RYK: variants seen among roughly 807,000 people sequenced by gnomAD.
RYK encodes receptor like tyrosine kinase, also known as inactive tyrosine-protein kinase RYK.
In RYK, 21 loss-of-function variants were observed where a neutral mutation model predicts 70.2. The ratio of observed to expected loss-of-function variants is 0.30; its 90% CI spans 0.21 to 0.43. RYK has a LOEUF of 0.43. RYK is among the 20% of genes least tolerant of loss of function. RYK has a pLI of 1.00. For missense variants in RYK, 604 were observed against 753.3 expected, an observed-to-expected ratio of 0.80 and a Z score of 2.32; for synonymous variants, 267 against 278.0, an observed-to-expected ratio of 0.96 and a Z score of 0.39.
chr3:134,220,659 CATACACACACATATATATGTACAT>C (rs1303947021), intron 2 of RYK, among the ~76,000 whole-genome samples: 1 of 152,170 alleles, frequency 6.6e-6, no homozygotes, highest in Non-Finnish European at 1.5e-5. Flanking sequence ...TATTTATATA[CATACACACACATATATATGTACAT>C]ATACACACAC....
chr3:134,189,037 C>A, intron 8 of RYK, 114 bp from the exon 9 acceptor site: 1 of 586,606 alleles, frequency 1.7e-6, no homozygotes, highest in Non-Finnish European at 2.9e-6. Flanking sequence ...ATGTGATCAA[C>A]ATTACTGTAG....
At chr3:134,165,422 T>A (rs1354972930) in intron 13 of RYK, among the ~76,000 whole-genome samples, 1 of 152,222 alleles carries the variant, frequency 6.6e-6, no homozygotes, top group African/African-American at 2.4e-5. Flanking sequence ...GGCAACCTTG[T>A]CTTGTTCCTG....
chr3:134,200,378 G>T (rs2013966032), intron 6 of RYK, among the ~76,000 whole-genome samples: 1 of 152,046 alleles, frequency 6.6e-6, no homozygotes, highest in Non-Finnish European at 1.5e-5. Flanking sequence ...CTTCACTCCT[G>T]AAGTCAGTGA....
In RYK at chr3:134,250,484, C is replaced by A; in HGVS notation, c.171G>T (p.Ser57=). 3 of 1,346,128 alleles carry A rather than the reference C, an allele frequency of 2.2e-6. No individual in the cohort carries two copies. Among genetic ancestry groups the A allele is most frequent in the Non-Finnish European group, 2.9e-6 (3 of 1,043,510 alleles). 83.4% of individuals were successfully genotyped at this position (1,346,128 alleles called of 1,614,324 possible). The change falls in exon 1 of 15, where the codon TCG becomes TCT. Residue 57 remains serine, a synonymous_variant. Coordinates refer to ENST00000623711, the MANE Select transcript of RYK (RefSeq NM_002958.4). ...GACTCACGCTGGGCCCCGCGGAAGC[C>A]GACTGCAGCTCCGGGGGCCGCGGGG... ...APAPRPPELQ[S]ASAGPSVSLY... is the part of the protein sequence containing the mutation.
chr3:134,190,792 G>A (rs1374397781), intron 8 of RYK, among the ~76,000 whole-genome samples: 1 of 152,102 alleles, frequency 6.6e-6, no homozygotes, highest in Non-Finnish European at 1.5e-5. Context: ...ATCCCATTCA[G>A]AGACCAAAAG....
rs751604920 is a variant in RYK, at chr3:134,183,088, G to C, written c.1103-17C>G. On this transcript the variant is annotated splice_polypyrimidine_tract_variant and intron_variant, in intron 9 of 14. Transcript: ENST00000623711. ...AAGCTTGATCTATATATAAAGAAAA[G>C]AAAATGTCTTGAATAATAATACTAC... 1 of 1,485,040 alleles carries C rather than the reference G, an allele frequency of 6.7e-7. No individual in the cohort carries two copies. 92.0% of individuals were successfully genotyped at this position (1,485,040 alleles called of 1,614,324 possible).
Position 134,191,829 on chromosome 3 carries a change from G to A in RYK, c.1015+20C>T, listed in dbSNP as rs147089787. The A allele has an allele frequency of 6.3e-6, 10 of 1,582,696 alleles. No homozygotes were observed. The highest frequency in any genetic ancestry group is 1.9e-5 in the Admixed American group (1 of 53,492). On this transcript the variant is annotated intron_variant, in intron 8 of 14. Coordinates refer to ENST00000623711, the MANE Select transcript of RYK (RefSeq NM_002958.4). ...AACATTAAATCATACTTAAAAAACC[G>A]ACTTTGAGATAATAAATACCTTCTT...
At chr3:134,161,475 A>C (rs1279334916) in intron 13 of RYK, among the ~76,000 whole-genome samples, 1 of 152,190 alleles carries the variant, frequency 6.6e-6, no homozygotes, top group African/African-American at 2.4e-5. Flanking sequence ...ACATAGCCAA[A>C]TGTCCCTTGG....
At chr3:134,232,312 C>A (rs1443095307) in intron 1 of RYK, among the ~76,000 whole-genome samples, 1 of 152,074 alleles carries the variant, frequency 6.6e-6, no homozygotes, top group Admixed American at 6.5e-5. Flanking sequence ...ACCATCAGCT[C>A]AGAAAAAAAC....
intron 12 of RYK, 68 bp downstream of exon 12, chr3:134,175,862 C>T: frequency 6.5e-7 from 1 of 1,550,286 alleles, no homozygotes; most frequent in Non-Finnish European, 8.9e-7. Flanking sequence ...CCCACTGTGA[C>T]TCGCAGAGAA....
At chr3:134,248,677 A>T (rs2015532803) in intron 1 of RYK, among the ~76,000 whole-genome samples, 1 of 151,996 alleles carries the variant, frequency 6.6e-6, no homozygotes, top group Non-Finnish European at 1.5e-5. Flanking sequence ...AATAGCCAGA[A>T]GTGGTCGCTA....
intron 10 of RYK, chr3:134,180,940 A>G (rs188417961): frequency 6.6e-6 from 1 of 152,342 alleles, no homozygotes; most frequent in South Asian, 2.1e-4. Flanking sequence ...ACCTCCTGAG[A>G]CTGCTAATTC....
chr3:134,202,437 G>A (rs1485215928), intron 6 of RYK: 9 of 280,710 alleles, frequency 3.2e-5, no homozygotes, highest in Admixed American at 2.2e-4. Flanking sequence ...GGGCTATTTT[G>A]AAAAGGCAAT....
Position 134,250,594 on chromosome 3 carries a change from G to C in RYK, c.61C>G (p.Leu21Val), listed in dbSNP as rs1576543181. Reference protein sequence around the residue: ...GRSCLPGARGLRAPPPPPLLL... With the variant: ...GRSCLPGARGVRAPPPPPLLL... ...AGCGGCGGCGGCGGCGGGGCCCTCA[G>C]GCCGCGGGCCCCCGGGAGGCAACTC... is the stretch of plus-strand genomic sequence containing the variant. Residue 21 changes from leucine (L) to valine (V), a missense_variant, in exon 1 of 15, where the codon CTG becomes GTG. This residue lies in a region of RYK where 466 missense variants were observed against 535.9 expected (regional missense o/e 0.87). Transcript: ENST00000623711. The C allele has an allele frequency of 3.7e-6, 4 of 1,069,976 alleles. No individual in the cohort carries two copies. Among genetic ancestry groups the C allele is most frequent in the Non-Finnish European group, 4.6e-6 (4 of 878,114 alleles). 66.3% of individuals were successfully genotyped at this position (1,069,976 alleles called of 1,614,324 possible).
At chr3:134,216,608 C>T (rs2014558768) in intron 2 of RYK, among the ~76,000 whole-genome samples, 1 of 151,644 alleles carries the variant, frequency 6.6e-6, no homozygotes, top group African/African-American at 2.4e-5. Flanking sequence ...CTGGCTAACA[C>T]AGTGAAACCC....
At chr3:134,182,583 T>C (rs1576508415) in intron 10 of RYK, among the ~76,000 whole-genome samples, 1 of 151,946 alleles carries the variant, frequency 6.6e-6, no homozygotes, top group Admixed American at 6.5e-5. Context: ...TATGGCAAAA[T>C]GTTAACTATT....
chr3:134,192,983 C>T (rs866514154), intron 7 of RYK, among the ~76,000 whole-genome samples: 68 of 152,232 alleles, frequency 4.5e-4, no homozygotes, highest in South Asian at 2.3e-3. Context: ...GCTACTATGT[C>T]TTCAAATATT....
intron 2 of RYK, 83 bp downstream of exon 2, chr3:134,222,335 C>T (rs2014765181): frequency 6.9e-7 from 1 of 1,440,982 alleles, no homozygotes; most frequent in Non-Finnish European, 9.7e-7. Flanking sequence ...TCAGTACAGA[C>T]AGCAGCCCAG....
At chr3:134,241,601 G>A (rs937810610) in intron 1 of RYK, among the ~76,000 whole-genome samples, 4 of 152,110 alleles carry the variant, frequency 2.6e-5, no homozygotes, top group African/African-American at 9.7e-5. Context: ...TAATTTACCT[G>A]AGCCCCATCT....
Sources: allele counts gnomAD v4.1 joint callset (sites outside exome capture counted in the v4.1 genomes callset), GRCh38; gene constraint gnomAD v4.1.1; regional missense constraint gnomAD v4.1.1; transcripts MANE v1.5; gene names NCBI Gene and HGNC (gene_info 2026-07-23, HGNC 2026-07-21).